ZNF248: variants seen among roughly 807,000 people sequenced by gnomAD.
ZNF248 encodes KRAB protein domain.
ZNF248 carries 20 observed loss-of-function variants against 44.3 expected under a neutral mutation model. The observed-to-expected ratio is 0.45, with a 90% CI of 0.32 to 0.66. ZNF248 has a LOEUF of 0.66. Ranked by LOEUF, ZNF248 falls within the 30% of genes least tolerant of loss-of-function variation. The pLI, the probability that ZNF248 is intolerant of heterozygous loss-of-function variation, is 0.04. For missense variants in ZNF248, 654 were observed against 677.0 expected, an observed-to-expected ratio of 0.97 and a Z score of 0.38; for synonymous variants, 224 against 229.0, an observed-to-expected ratio of 0.98 and a Z score of 0.20.
chr10:37,791,473 A>G (rs1383653454), intron 6 of ZNF248: 2 of 152,178 alleles, frequency 1.3e-5, no homozygotes, highest in Non-Finnish European at 2.9e-5. Flanking sequence ...GTTTTCAGGT[A>G]TACTCTTTTG....
intron 5 of ZNF248, 79 bp downstream of exon 5, chr10:37,837,538 C>T: frequency 8.3e-7 from 1 of 1,199,616 alleles, no homozygotes. Context: ...GAAAAATATT[C>T]CAAAGGTGAC....
intron 6 of ZNF248, chr10:37,820,586 T>C: frequency 1.9e-6 from 3 of 1,596,772 alleles, no homozygotes; most frequent in Non-Finnish European, 2.6e-6. Flanking sequence ...AAACTCAAAG[T>C]AATCACTAAT....
chr10:37,804,922 T>C (rs1236848389), intron 6 of ZNF248, among the ~76,000 whole-genome samples: 1 of 152,220 alleles, frequency 6.6e-6, no homozygotes, highest in Non-Finnish European at 1.5e-5. Flanking sequence ...TTATTTTGTA[T>C]ATCAGCTTAT....
At chr10:37,787,753 GAAGAA>G (rs1341211289) in intron 6 of ZNF248, among the ~76,000 whole-genome samples, 1 of 151,852 alleles carries the variant, frequency 6.6e-6, no homozygotes, top group African/African-American at 2.4e-5. Flanking sequence ...AAAATTTATA[GAAGAA>G]AATATAGAAG....
At chr10:37,851,448 C>T (rs1041074865) in intron 3 of ZNF248, among the ~76,000 whole-genome samples, 3 of 152,068 alleles carry the variant, frequency 2.0e-5, no homozygotes, top group African/African-American at 4.8e-5. Context: ...TTTGTCTTAA[C>T]GTTTCTCTAA....
chr10:37,831,570 G>T lies in ZNF248; in HGVS notation c.*45C>A. ...TTGGCTTTCTCTGATCTCCTTTTTT[G>T]AAACTGTATAACCAATTTCACAAGT... On this transcript the variant is annotated 3_prime_UTR_variant, in exon 6 of 6. Transcript: ENST00000395867. The T allele has an allele frequency of 1.3e-6, 2 of 1,559,866 alleles. No individual in the cohort carries two copies. The highest frequency in any genetic ancestry group is 2.4e-5 in the South Asian group (2 of 82,180).
At chr10:37,842,251 A>C (rs2058476639) in intron 3 of ZNF248, among the ~76,000 whole-genome samples, 1 of 152,192 alleles carries the variant, frequency 6.6e-6, no homozygotes, top group African/African-American at 2.4e-5. Context: ...AATGAAGTGG[A>C]ATGATGTCAG....
At chr10:37,811,633 A>G (rs2051515362) in intron 6 of ZNF248, among the ~76,000 whole-genome samples, 1 of 150,018 alleles carries the variant, frequency 6.7e-6, no homozygotes, top group Non-Finnish European at 1.5e-5. Flanking sequence ...CCAAGAGTTC[A>G]AGACCAGTCT....
rs993712920 is a variant in ZNF248, at chr10:37,832,364, C to A, written c.991G>T (p.Asp331Tyr). The A allele has an allele frequency of 1.2e-6, 2 of 1,613,914 alleles. No individual in the cohort carries two copies. Among genetic ancestry groups the A allele is most frequent in the African/African-American group, 2.7e-5 (2 of 74,912 alleles). ...RKILREYKVS[D>Y]KTWEKSALLK... ...AGAGCTGACTTTTCCCAGGTTTTGT[C>A]ACTCACTTTATATTCACGGAGAATC... Residue 331 changes from aspartate (D) to tyrosine (Y), a missense_variant, in exon 6 of 6, where the codon GAC (aspartate) becomes TAC (tyrosine). By Grantham distance (160) the Asp-to-Tyr change is radical. Coordinates refer to ENST00000395867, the MANE Select transcript of ZNF248 (RefSeq NM_021045.3).
At chr10:37,839,970 T>C (rs2058040918) in intron 3 of ZNF248, among the ~76,000 whole-genome samples, 1 of 152,148 alleles carries the variant, frequency 6.6e-6, no homozygotes, top group Non-Finnish European at 1.5e-5. Context: ...ATAGCTATCA[T>C]AAAAAACACA....
intron 3 of ZNF248, among the ~76,000 whole-genome samples, chr10:37,853,984 T>C (rs1398618580): frequency 9.9e-5 from 15 of 152,144 alleles, no homozygotes; most frequent in Admixed American, 9.8e-4. Flanking sequence ...AAAGATACCT[T>C]GTGGGGTTCA....
At chr10:37,786,023 A>G (rs1462889748) in intron 6 of ZNF248, among the ~76,000 whole-genome samples, 2 of 152,200 alleles carry the variant, frequency 1.3e-5, no homozygotes, top group African/African-American at 2.4e-5. Context: ...CTGTCAGCCT[A>G]GGTCCCATGA....
chr10:37,790,708 C>CTAAATAAATAAA (rs149151524), intron 6 of ZNF248, among the ~76,000 whole-genome samples: 17 of 147,592 alleles, frequency 1.2e-4, no homozygotes, highest in Non-Finnish European at 1.9e-4. Flanking sequence ...GGCTCCGTCT[C>CTAAATAAATAAA]TAAATAAATA....
chr10:37,806,071 T>G (rs1255759275), intron 6 of ZNF248, among the ~76,000 whole-genome samples: 1 of 152,228 alleles, frequency 6.6e-6, no homozygotes, highest in African/African-American at 2.4e-5. Context: ...AATATTGCAC[T>G]GTGTGAACAT....
the ZNF248 span, among the ~76,000 whole-genome samples, chr10:37,766,830 T>A: frequency 1.3e-5 from 2 of 152,136 alleles, no homozygotes; most frequent in African/African-American, 4.8e-5. Context: ...TACTCCGAGC[T>A]ACAGGAGGAA....
chr10:37,844,869 G>A (rs1025581154), intron 3 of ZNF248, among the ~76,000 whole-genome samples: 1 of 150,538 alleles, frequency 6.6e-6, no homozygotes, highest in African/African-American at 2.4e-5. Flanking sequence ...TTCCTTCTTA[G>A]AAACGACTTT....
Position 37,837,703 on chromosome 10 carries a change from A to C in ZNF248, c.152T>G (p.Ile51Ser). The change falls in exon 5 of 6, where the codon ATT (isoleucine) becomes AGT (serine). Residue 51 changes from isoleucine to serine, a missense_variant. Coordinates refer to ENST00000395867, the MANE Select transcript of ZNF248 (RefSeq NM_021045.3). The part of the protein sequence containing the change: ...YSNLVSVGYC[I>S]TKPEVIFKIE... ...CTTAAAGATCACTTCTGGTTTAGTAATGCAATACCCTGTTAAGAGAAAATA... is the reference window on the plus strand; with the variant it reads ...CTTAAAGATCACTTCTGGTTTAGTACTGCAATACCCTGTTAAGAGAAAATA... The C allele has an allele frequency of 1.2e-6, 2 of 1,613,960 alleles. No individual in the cohort carries two copies. Among genetic ancestry groups the C allele is most frequent in the South Asian group, 1.1e-5 (1 of 91,070 alleles).
At chr10:37,834,043 T>C (rs1265769856) in intron 5 of ZNF248, among the ~76,000 whole-genome samples, 5 of 152,112 alleles carry the variant, frequency 3.3e-5, no homozygotes, top group Non-Finnish European at 5.9e-5. Context: ...AAATTGCTCA[T>C]CCCTAATAAC....
At position 37,856,306 on chromosome 10, in the gene ZNF248, T is replaced by C; in HGVS notation, c.5A>G (p.Asn2Ser). ...AAACAAGAATCTCACCTGGGATTTG[T>C]TCATTTTCCGCTCTTAGTGGAGGAA... M[N>S]KSQEQVSFKD... is the part of the protein sequence containing the mutation. The change falls in exon 3 of 6, where the codon AAC becomes AGC. Residue 2 changes from asparagine to serine, a missense_variant. Asn to Ser is a conservative substitution (Grantham distance 46). Coordinates refer to ENST00000395867, the MANE Select transcript of ZNF248 (RefSeq NM_021045.3). 1 of 1,613,714 alleles carries C rather than the reference T, an allele frequency of 6.2e-7. No individual in the cohort carries two copies. The highest frequency in any genetic ancestry group is 8.5e-7 in the Non-Finnish European group (1 of 1,179,780).
Sources: allele counts gnomAD v4.1 joint callset (sites outside exome capture counted in the v4.1 genomes callset), GRCh38; gene constraint gnomAD v4.1.1; transcripts MANE v1.5; gene names NCBI Gene and HGNC (gene_info 2026-07-23, HGNC 2026-07-21).